The following RBM27 variants were observed in gnomAD, a reference collection of about 807,000 sequenced individuals.
RBM27 encodes the protein RNA-binding protein 27.
A neutral mutation model predicts 135.3 loss-of-function variants in RBM27; 22 were observed. The ratio of observed to expected loss-of-function variants is 0.16; its 90% CI spans 0.12 to 0.23. RBM27 has a LOEUF of 0.23. Among genes scored for constraint, RBM27 ranks in the 10% least tolerant of loss-of-function variants. The probability of loss-of-function intolerance (pLI) is 1.00; values close to 1 mark genes in which losing one functional copy is unlikely to be tolerated. For missense variants in RBM27, 1,009 were observed against 1,281.0 expected (o/e 0.79, Z 3.24); for synonymous variants, 481 against 442.4 (o/e 1.09, Z -1.10).
At chr5:146,273,672 T>G (rs1758965940) in intron 19 of RBM27, among the ~76,000 whole-genome samples, 2 of 151,976 alleles carry the variant, frequency 1.3e-5, no homozygotes, top group South Asian at 4.1e-4. Flanking sequence ...AAAAGGAAAC[T>G]CTTCTTCAAG....
chr5:146,270,247 T>G (rs1758805048), intron 17 of RBM27, among the ~76,000 whole-genome samples: 1 of 152,144 alleles, frequency 6.6e-6, no homozygotes, highest in Non-Finnish European at 1.5e-5. Context: ...TACACCACAG[T>G]TCTGTGGTGT....
In RBM27 at chr5:146,286,256, A is replaced by G; in HGVS notation, c.*226A>G. 1 of 370,304 alleles carries G rather than the reference A, an allele frequency of 2.7e-6. No individual in the cohort carries two copies. Among genetic ancestry groups the G allele is most frequent in the Non-Finnish European group, 4.8e-6 (1 of 209,274 alleles). 22.9% of individuals were successfully genotyped at this position (370,304 alleles called of 1,614,324 possible). A position where few individuals can be genotyped will look rare whatever the true frequency, so the allele number is the denominator to read the frequency against. ...TACACAGTTGTGAAGATCCACAGCA[A>G]TGACATGGATAATCTCTAGAGCCTT... On this transcript the variant is annotated 3_prime_UTR_variant, in exon 21 of 21. Transcript: ENST00000265271.
rs371042705 is a variant in RBM27, at chr5:146,251,817, C to G, written c.1386C>G (p.Leu462=). Residue 462 remains leucine (L), a synonymous_variant, in exon 9 of 21, where the codon CTC becomes CTG. Coordinates refer to ENST00000265271, the MANE Select transcript of RBM27 (RefSeq NM_018989.2). ...LAARLVPPRN[L]MGSSIGYHTS... is the part of the protein sequence containing the mutation. The stretch of plus-strand genomic sequence containing the variant: ...CTCGTTTGGTGCCACCTCGAAACCT[C>G]ATGGGATCCTCCATTGGATACCATA... 80 of 1,614,022 alleles carry G rather than the reference C, an allele frequency of 5.0e-5. No individual in the cohort carries two copies. The highest frequency in any genetic ancestry group is 6.6e-5 in the Non-Finnish European group (78 of 1,180,022).
At position 146,269,541 on chromosome 5, in the gene RBM27, C is replaced by T; in HGVS notation, c.2648C>T (p.Ser883Phe). 1 of 1,575,460 alleles carries T rather than the reference C, an allele frequency of 6.3e-7. No individual in the cohort carries two copies. Among genetic ancestry groups the T allele is most frequent in the South Asian group, 1.2e-5 (1 of 83,408 alleles). Residue 883 changes from serine (S) to phenylalanine (F), a missense_variant, in exon 17 of 21, where the codon TCT becomes TTT. Coordinates refer to ENST00000265271, the MANE Select transcript of RBM27 (RefSeq NM_018989.2). ...ISQLKDELKT[S>F]SAVSTPSKVK... Reference sequence around the variant, plus strand: ...CAATTAAAAGATGAATTAAAAACATCTTCTGCAGTCTCCACACCATCTAAA... The same window carrying T: ...CAATTAAAAGATGAATTAAAAACATTTTCTGCAGTCTCCACACCATCTAAA...
At chr5:146,268,990 T>C (rs1435263147) in intron 15 of RBM27, among the ~76,000 whole-genome samples, 5 of 152,196 alleles carry the variant, frequency 3.3e-5, no homozygotes. Context: ...CTCATAGATA[T>C]AGCTAATTAG....
chr5:146,244,486 C>T (rs1289749848), intron 8 of RBM27, among the ~76,000 whole-genome samples: 1 of 152,138 alleles, frequency 6.6e-6, no homozygotes, highest in African/African-American at 2.4e-5. Flanking sequence ...CAGCAATCAA[C>T]TGTTAAAATC....
chr5:146,228,691 T>A (rs1756791089), intron 3 of RBM27, among the ~76,000 whole-genome samples: 1 of 151,964 alleles, frequency 6.6e-6, no homozygotes, highest in Admixed American at 6.6e-5. Context: ...GCCTCAAACT[T>A]CTGGGTTCAA....
At chr5:146,261,044 C>A in intron 12 of RBM27, 146 bp downstream of exon 12, 1 of 758,860 alleles carries the variant, frequency 1.3e-6, no homozygotes, top group Non-Finnish European at 2.2e-6. Flanking sequence ...TCTATATACC[C>A]ACTTTTATGA....
At chr5:146,218,449 C>T (rs1173470830) in intron 1 of RBM27, among the ~76,000 whole-genome samples, 1 of 151,960 alleles carries the variant, frequency 6.6e-6, no homozygotes, top group South Asian at 2.1e-4. Flanking sequence ...ATTTAAATGC[C>T]ATTCTTTTCA....
chr5:146,226,473 G>T (rs1756682333), intron 3 of RBM27, among the ~76,000 whole-genome samples: 1 of 152,036 alleles, frequency 6.6e-6, no homozygotes, highest in South Asian at 2.1e-4. Flanking sequence ...CCACCTCCTG[G>T]ATTCAAGCGA....
intron 10 of RBM27, among the ~76,000 whole-genome samples, chr5:146,256,889 A>T (rs1344395546): frequency 6.6e-6 from 1 of 152,030 alleles, no homozygotes; most frequent in Non-Finnish European, 1.5e-5. Context: ...TCATTAAATT[A>T]AAAAAAATTA....
chr5:146,278,642 A>G (rs1440806823), intron 19 of RBM27, among the ~76,000 whole-genome samples: 1 of 152,144 alleles, frequency 6.6e-6, no homozygotes, highest in Admixed American at 6.6e-5. Context: ...CATTCTTTTT[A>G]ATGACTGCAT....
intron 2 of RBM27, among the ~76,000 whole-genome samples, chr5:146,222,856 TA>T (rs1756514605): frequency 1.3e-5 from 2 of 152,150 alleles, no homozygotes; most frequent in Non-Finnish European, 2.9e-5. Context: ...TTTAACTGAT[TA>T]AAAAAAATTT....
intron 19 of RBM27, among the ~76,000 whole-genome samples, chr5:146,276,237 A>G (rs1759088031): frequency 6.6e-6 from 1 of 152,156 alleles, no homozygotes; most frequent in East Asian, 1.9e-4. Flanking sequence ...ATACCTTAAA[A>G]AAATAAATTA....
chr5:146,243,223 G>A (rs974574780), intron 8 of RBM27, among the ~76,000 whole-genome samples: 18 of 152,044 alleles, frequency 1.2e-4, no homozygotes, highest in South Asian at 2.1e-4. Context: ...CTGAGATTGC[G>A]CCATTGCACT....
intron 1 of RBM27, among the ~76,000 whole-genome samples, chr5:146,212,605 C>G (rs567358482): frequency 6.6e-6 from 1 of 151,888 alleles, no homozygotes; most frequent in Admixed American, 6.6e-5. Flanking sequence ...CCTCCCACCT[C>G]AGCCTCCTGA....
At position 146,271,670 on chromosome 5, in the gene RBM27, T is replaced by G. The variant is rs1758871786; in HGVS notation, c.2984T>G (p.Phe995Cys). The G allele has an allele frequency of 6.2e-7, 1 of 1,609,868 alleles. No individual in the cohort carries two copies. The highest frequency in any genetic ancestry group is 8.5e-7 in the Non-Finnish European group (1 of 1,176,894). ...EEEKEDLLQH[F>C]STANQGPKFK... is the part of the protein sequence containing the mutation. ...GAAAAAGAAGACTTGCTTCAGCATT[T>G]CTCAGTAAGTTTTTAAAATAGCAAA... is the stretch of plus-strand genomic sequence containing the variant. Residue 995 changes from phenylalanine to cysteine, a missense_variant, in exon 19 of 21, where the codon TTC (phenylalanine) becomes TGC (cysteine). By Grantham distance (205) the Phe-to-Cys change is radical. This residue lies in a region of RBM27 where 355 missense variants were observed against 427.3 expected (regional missense o/e 0.83). Coordinates refer to ENST00000265271, the MANE Select transcript of RBM27 (RefSeq NM_018989.2).
At position 146,219,123 on chromosome 5, in the gene RBM27, A is replaced by G. The variant is rs1756333640; in HGVS notation, c.178+20A>G. On this transcript the variant is annotated intron_variant, in intron 2 of 20. Transcript: ENST00000265271. Reference sequence around the variant, plus strand: ...AAAAAGGTAATTATTATGGGCCTTCAATCGAGTATTGAAGTAAAGATTTTA... The same window carrying G: ...AAAAAGGTAATTATTATGGGCCTTCGATCGAGTATTGAAGTAAAGATTTTA... 6.7e-7 allele frequency: 1 copy of G among 1,493,078 alleles called. No homozygotes were observed. The highest frequency in any genetic ancestry group is 1.2e-5 in the South Asian group (1 of 85,332). The allele number at this position is 1,493,078 out of a possible 1,614,324, so 92.5% of individuals were successfully genotyped here. A position where few individuals can be genotyped will look rare whatever the true frequency, so the allele number is the denominator to read the frequency against.
chr5:146,256,638 G>A (rs1284977587), intron 10 of RBM27, among the ~76,000 whole-genome samples: 1 of 152,040 alleles, frequency 6.6e-6, no homozygotes, highest in East Asian at 1.9e-4. Flanking sequence ...ACAGGCATGA[G>A]CCACTGCACC....
Sources: gnomAD v4.1 joint callset for allele counts (sites outside exome capture counted in the v4.1 genomes callset) on GRCh38, gnomAD v4.1.1 for gene constraint, gnomAD v4.1.1 regional missense constraint, MANE v1.5 for transcripts, NCBI Gene and HGNC (gene_info 2026-07-23, HGNC 2026-07-21) for gene names.